The following WWOX variants were observed in gnomAD, a reference collection of about 807,000 sequenced individuals.
WWOX encodes WW domain containing oxidoreductase, also known as WW domain-containing oxidoreductase.
WWOX carries 69 observed loss-of-function variants against 46.2 expected under a neutral mutation model. The ratio of observed to expected loss-of-function variants is 1.49; its 90% CI spans 1.23 to 1.82. WWOX has a LOEUF of 1.82. Among genes scored for constraint, WWOX ranks in the 40% most tolerant of loss-of-function variants. WWOX has a pLI of 0.00. For synonymous variants in WWOX, 359 were observed against 202.6 expected (o/e 1.77, Z -6.56); for missense variants, 919 against 542.6 (o/e 1.69, Z -6.89).
At chr16:78,156,421 T>G (rs895813110) in intron 4 of WWOX, among the ~76,000 whole-genome samples, 1 of 152,238 alleles carries the variant, frequency 6.6e-6, no homozygotes, top group Non-Finnish European at 1.5e-5. Context: ...ATTTATTCAT[T>G]ATTATAAAGG....
At chr16:78,295,403 A>G (rs922990334) in intron 5 of WWOX, among the ~76,000 whole-genome samples, 1 of 152,148 alleles carries the variant, frequency 6.6e-6, no homozygotes, top group Non-Finnish European at 1.5e-5. Context: ...GGCTGTTTAC[A>G]TTATCAGAAT....
intron 8 of WWOX, among the ~76,000 whole-genome samples, chr16:78,864,792 T>G (rs553789071): frequency 8.5e-6 from 1 of 118,110 alleles, no homozygotes; most frequent in Non-Finnish European, 1.6e-5. Context: ...TGAGACAGTC[T>G]CACTCTATTG....
rs192381944 is a variant in WWOX, at chr16:78,670,809, C to T, written c.1056+238057C>T. Among the ~76,000 whole-genome samples, 186 of 152,100 alleles carry T rather than the reference C, an allele frequency of 1.2e-3. 1 individual carries two copies. Among genetic ancestry groups the T allele is most frequent in the Middle Eastern group, 6.8e-3 (2 of 294 alleles). ...TTACAGACATGAGCCACTCCACCTACCCAGAAATAAGGTCTTTATAGATGT... is the reference window on the plus strand; with the variant it reads ...TTACAGACATGAGCCACTCCACCTATCCAGAAATAAGGTCTTTATAGATGT... On this transcript the variant is annotated intron_variant, in intron 8 of 8. Coordinates refer to ENST00000566780, the MANE Select transcript of WWOX (RefSeq NM_016373.4).
At chr16:78,605,252 C>T (rs1346213541) in intron 8 of WWOX, among the ~76,000 whole-genome samples, 2 of 151,426 alleles carry the variant, frequency 1.3e-5, no homozygotes, top group African/African-American at 4.9e-5. Context: ...TCATTGTTAG[C>T]GTTGTCTCTC....
intron 8 of WWOX, among the ~76,000 whole-genome samples, chr16:78,444,555 G>C (rs529517953): frequency 0.062 from 9,214 of 148,306 alleles, 478 homozygotes; most frequent in South Asian, 0.15. Flanking sequence ...TTTTGAGGTG[G>C]AGTCTCACTC....
chr16:78,887,074 T>TG (rs1433039712), intron 8 of WWOX, among the ~76,000 whole-genome samples: 9 of 21,288 alleles, frequency 4.2e-4, no homozygotes, highest in African/African-American at 6.4e-4. Flanking sequence ...TGTGTGTGTG[T>TG]GTGGTGTGTG....
chr16:78,678,476 C>A (rs944133377), intron 8 of WWOX, among the ~76,000 whole-genome samples: 2 of 152,148 alleles, frequency 1.3e-5, no homozygotes, highest in Non-Finnish European at 2.9e-5. Context: ...ATTTGAGCAC[C>A]TGTTTGTTCA....
chr16:78,408,086 G>A (rs1166701342), intron 6 of WWOX, among the ~76,000 whole-genome samples: 1 of 152,132 alleles, frequency 6.6e-6, no homozygotes, highest in Non-Finnish European at 1.5e-5. Context: ...GTAGATAGGA[G>A]CCGGTCCCTG....
chr16:79,079,788 G>A (rs2048726450), intron 8 of WWOX, among the ~76,000 whole-genome samples: 1 of 152,184 alleles, frequency 6.6e-6, no homozygotes, highest in Non-Finnish European at 1.5e-5. Flanking sequence ...AATTCTGCAA[G>A]CATGTATCTT....
intron 4 of WWOX, among the ~76,000 whole-genome samples, chr16:78,127,282 T>C (rs1053650303): frequency 6.6e-6 from 1 of 152,108 alleles, no homozygotes; most frequent in Admixed American, 6.5e-5. Context: ...CGTGTAGCCA[T>C]TTCTGGAATG....
chr16:78,203,338 A>G (rs568119848), intron 5 of WWOX, among the ~76,000 whole-genome samples: 1 of 152,282 alleles, frequency 6.6e-6, no homozygotes, highest in East Asian at 1.9e-4. Context: ...ATGTTCTGGG[A>G]CAAATCAATA....
At chr16:78,832,250 A>G (rs78295427) in intron 8 of WWOX, among the ~76,000 whole-genome samples, 2,321 of 152,248 alleles carry the variant, frequency 0.015, 26 homozygotes, top group Non-Finnish European at 0.024. Context: ...GTTCTTCACC[A>G]TGGGGGCCTC....
chr16:78,895,225 G>A (rs375572582), intron 8 of WWOX: 11 of 152,188 alleles, frequency 7.2e-5, no homozygotes, highest in East Asian at 5.8e-4. Flanking sequence ...CCAGTTAACA[G>A]AAATAGAACC....
At chr16:78,642,997 G>A (rs74688315) in intron 8 of WWOX, among the ~76,000 whole-genome samples, 6,455 of 152,220 alleles carry the variant, frequency 0.042, 432 homozygotes, top group African/African-American at 0.15. Flanking sequence ...TCATGGAGAT[G>A]AAATACTTAA....
chr16:78,444,693 G>A (rs2083518498), intron 8 of WWOX, among the ~76,000 whole-genome samples: 1 of 151,932 alleles, frequency 6.6e-6, no homozygotes, highest in Non-Finnish European at 1.5e-5. Context: ...ACCACACCCG[G>A]CTAATTTTTT....
At chr16:78,240,217 G>A (rs1246341572) in intron 5 of WWOX, among the ~76,000 whole-genome samples, 1 of 152,070 alleles carries the variant, frequency 6.6e-6, no homozygotes, top group East Asian at 1.9e-4. Flanking sequence ...TGGTGGGTGT[G>A]CCTGCAATCC....
chr16:78,354,469 C>T (rs2081244908), intron 5 of WWOX, among the ~76,000 whole-genome samples: 1 of 152,048 alleles, frequency 6.6e-6, no homozygotes, highest in Admixed American at 6.6e-5. Context: ...AATTTTGATG[C>T]TGGTTTTTGA....
intron 4 of WWOX, among the ~76,000 whole-genome samples, chr16:78,135,082 C>G (rs981235395): frequency 1.3e-5 from 2 of 152,200 alleles, no homozygotes; most frequent in African/African-American, 4.8e-5. Flanking sequence ...ACAAACCTGA[C>G]TCCCACCATT....
chr16:78,336,773 A>G (rs1305356073), intron 5 of WWOX, among the ~76,000 whole-genome samples: 2 of 152,088 alleles, frequency 1.3e-5, no homozygotes, highest in Admixed American at 6.6e-5. Context: ...TTTTACAATT[A>G]TAGTATTAAG....
Sources: gnomAD v4.1 joint callset for allele counts (sites outside exome capture counted in the v4.1 genomes callset) on GRCh38, gnomAD v4.1.1 for gene constraint, MANE v1.5 for transcripts, NCBI Gene and HGNC (gene_info 2026-07-23, HGNC 2026-07-21) for gene names.